FCRL6: variants seen among roughly 807,000 people sequenced by gnomAD.
FCRL6 encodes the protein Fc receptor like 6, also known as Fc receptor-like protein 6.
A neutral mutation model predicts 49.1 loss-of-function variants in FCRL6; 50 were observed. The observed-to-expected ratio is 1.02, with a 90% confidence interval of 0.81 to 1.29. FCRL6 has a LOEUF of 1.29. FCRL6 is among the 50% of genes most tolerant of loss of function. The pLI is 0.00. For synonymous variants in FCRL6, 213 were observed against 199.6 expected (o/e 1.07, Z -0.57); for missense variants, 571 against 518.5 (o/e 1.10, Z -0.98).
intron 2 of FCRL6, 107 bp downstream of exon 2, chr1:159,806,723 C>T: frequency 1.8e-6 from 2 of 1,105,222 alleles, no homozygotes; most frequent in Non-Finnish European, 2.8e-6. Flanking sequence ...ATCTGCAGAG[C>T]AGCACCAGAC....
intron 4 of FCRL6, 64 bp downstream of exon 4, chr1:159,809,309 G>C (rs1442854761): frequency 2.0e-6 from 3 of 1,526,062 alleles, no homozygotes; most frequent in African/African-American, 2.8e-5. Context: ...GGATCCCCTG[G>C]GACTAAAGGA....
intron 6 of FCRL6, among the ~76,000 whole-genome samples, chr1:159,810,446 T>C (rs1663025745): frequency 6.6e-6 from 1 of 152,138 alleles, no homozygotes; most frequent in African/African-American, 2.4e-5. Context: ...CATCCAGAGA[T>C]GCACACAAAC....
intron 7 of FCRL6, 37 bp downstream of exon 7, chr1:159,813,591 G>A: frequency 3.2e-6 from 5 of 1,580,424 alleles, no homozygotes; most frequent in Non-Finnish European, 4.3e-6. Flanking sequence ...GTGCCCATGT[G>A]GGCCAAAAAG....
intron 7 of FCRL6, 130 bp from the exon 8 acceptor site, chr1:159,814,091 G>A: frequency 1.2e-6 from 1 of 829,348 alleles, no homozygotes. Flanking sequence ...CCACATTAGT[G>A]ACCAACCCTC....
At chr1:159,815,150 G>C (rs1663318817) in intron 8 of FCRL6, among the ~76,000 whole-genome samples, 1 of 152,204 alleles carries the variant, frequency 6.6e-6, no homozygotes, top group Non-Finnish European at 1.5e-5. Flanking sequence ...TAGGGTTTCT[G>C]CTCCTTCCCA....
At chr1:159,804,077 A>C (rs1428197515) in intron 1 of FCRL6, among the ~76,000 whole-genome samples, 1 of 152,084 alleles carries the variant, frequency 6.6e-6, no homozygotes, top group Non-Finnish European at 1.5e-5. Flanking sequence ...TGAGCTGAAC[A>C]TTAGCCAACT....
intron 5 of FCRL6, 118 bp downstream of exon 5, chr1:159,809,801 A>C (rs540532101): frequency 1.1e-6 from 1 of 880,264 alleles, no homozygotes; most frequent in East Asian, 2.5e-5. Context: ...CAGCCACTGC[A>C]TGACTGAGCA....
intron 7 of FCRL6, 41 bp downstream of exon 7, chr1:159,813,595 C>A (rs745594618): frequency 6.4e-7 from 1 of 1,556,648 alleles, no homozygotes; most frequent in East Asian, 2.2e-5. Context: ...CCATGTGGGC[C>A]AAAAAGAGCT....
In FCRL6 at chr1:159,809,428, C is replaced by G; in HGVS notation, c.631C>G (p.Leu211Val). The change falls in exon 5 of 10, where the codon CTG (leucine) becomes GTG (valine). Residue 211 changes from leucine (L) to valine (V), a missense_variant. Leu to Val is a conservative substitution (Grantham distance 32, BLOSUM62 1). Transcript: ENST00000368106. The stretch of plus-strand genomic sequence containing the variant: ...TCCTGTATCCCGTCCTGTGCTCACT[C>G]TGCACCACGGGCCTGCTGACCCTGC... The part of the protein sequence containing the change: ...QAPVSRPVLT[L>V]HHGPADPAVG... 6.2e-7 allele frequency: 1 copy of G among 1,611,830 alleles called. No individual in the cohort carries two copies. The highest frequency in any genetic ancestry group is 8.5e-7 in the Non-Finnish European group (1 of 1,178,508).
chr1:159,810,095 T>C lies in FCRL6; in HGVS notation c.888T>C (p.Gly296=). The C allele has an allele frequency of 6.2e-7, 1 of 1,610,932 alleles. No homozygotes were observed. Among genetic ancestry groups the C allele is most frequent in the Non-Finnish European group, 8.5e-7 (1 of 1,178,974 alleles). ...CCACCTTCTTCTCCCTGCTCCCAGG[T>C]TCTCAAGTCTTGTTCACTCCCGCCA... ...RSEPKKLSLK[G]SQVLFTPASN... The change falls in exon 6 of 10, where the codon GGT becomes GGC. Residue 296 remains glycine, a splice_region_variant and synonymous_variant. Coordinates refer to ENST00000368106, the MANE Select transcript of FCRL6 (RefSeq NM_001004310.3).
upstream of FCRL6, chr1:159,802,293 GCTATCAAGCTATAGCA>G: frequency 1.3e-6 from 1 of 754,138 alleles, no homozygotes; most frequent in African/African-American, 1.8e-5. Context: ...TCCTATTTTG[GCTATCAAGCTATAGCA>G]CCACCCAGCT....
At chr1:159,810,663 GT>G (rs1279877061) in intron 6 of FCRL6, among the ~76,000 whole-genome samples, 2 of 152,088 alleles carry the variant, frequency 1.3e-5, no homozygotes, top group Non-Finnish European at 2.9e-5. Context: ...CAGAACTACA[GT>G]GTGTATGCAT....
intron 3 of FCRL6, 108 bp from the exon 4 acceptor site, chr1:159,808,853 C>A: frequency 2.5e-6 from 3 of 1,204,368 alleles, no homozygotes; most frequent in African/African-American, 1.5e-5. Context: ...TGCCTCCCAT[C>A]GGGGTCCCCG....
At chr1:159,813,459 C>A (rs769023276) in intron 6 of FCRL6, 30 bp from the exon 7 acceptor site, 1 of 1,598,178 alleles carries the variant, frequency 6.3e-7, no homozygotes, top group South Asian at 1.1e-5. Flanking sequence ...CTAAGGGACA[C>A]CCAGTGAATC....
At position 159,816,227 on chromosome 1, in the gene FCRL6, A is replaced by G. The variant is rs1474246686; in HGVS notation, c.*566A>G. The G allele has an allele frequency of 6.5e-6, 1 of 152,786 alleles. No individual in the cohort carries two copies. Among genetic ancestry groups the G allele is most frequent in the Non-Finnish European group, 1.5e-5 (1 of 68,458 alleles). The allele number at this position is 152,786 out of a possible 1,614,324, so 9.5% of individuals were successfully genotyped here. On this transcript the variant is annotated 3_prime_UTR_variant, in exon 10 of 10. Transcript: ENST00000368106. The stretch of plus-strand genomic sequence containing the variant: ...GTACAGTACACTATACTTGATAATG[A>G]TAATAAACAACTATGTTACTGGTTT...
Position 159,809,139 on chromosome 1 carries a change from C to T in FCRL6, c.498C>T (p.Cys166=). 1 of 1,614,054 alleles carries T rather than the reference C, an allele frequency of 6.2e-7. No individual in the cohort carries two copies. Among genetic ancestry groups the T allele is most frequent in the East Asian group, 2.2e-5 (1 of 44,870 alleles). Reference sequence around the variant, plus strand: ...ACAGGGGCCCTCACCCAGAACTCTGCATCCCGGGAGCCAAGGAGGGAGACT... The same window carrying T: ...ACAGGGGCCCTCACCCAGAACTCTGTATCCCGGGAGCCAAGGAGGGAGACT... ...LQDRGPHPEL[C]IPGAKEGDSG... is the part of the protein sequence containing the mutation. Residue 166 remains cysteine (C), a synonymous_variant, in exon 4 of 10, where the codon TGC becomes TGT. Transcript: ENST00000368106.
At chr1:159,808,868 G>T (rs879840101) in intron 3 of FCRL6, 93 bp from the exon 4 acceptor site, 11 of 1,373,906 alleles carry the variant, frequency 8.0e-6, no homozygotes, top group Admixed American at 2.4e-5. Context: ...TCCCCGGGCT[G>T]CAGCCTGAGA....
chr1:159,803,359 G>A (rs1274883329), intron 1 of FCRL6, among the ~76,000 whole-genome samples: 1 of 152,132 alleles, frequency 6.6e-6, no homozygotes, highest in Non-Finnish European at 1.5e-5. Context: ...CCAATAGCTT[G>A]CTTGCTATTT....
intron 1 of FCRL6, among the ~76,000 whole-genome samples, chr1:159,804,397 A>G (rs1662544162): frequency 6.6e-6 from 1 of 152,280 alleles, no homozygotes; most frequent in African/African-American, 2.4e-5. Flanking sequence ...ATATCTCCCG[A>G]TCCCTCAGAA....
Sources: gnomAD v4.1 joint callset for allele counts (sites outside exome capture counted in the v4.1 genomes callset) on GRCh38, gnomAD v4.1.1 for gene constraint, MANE v1.5 for transcripts, NCBI Gene and HGNC (gene_info 2026-07-23, HGNC 2026-07-21) for gene names.